The following PTPRU variants were observed in gnomAD, a reference collection of about 807,000 sequenced individuals.
PTPRU encodes the protein receptor-type tyrosine-protein phosphatase U.
PTPRU carries 69 observed loss-of-function variants against 166.3 expected under a neutral mutation model. The observed-to-expected ratio is 0.41, with a 90% CI of 0.34 to 0.51. PTPRU has a LOEUF of 0.51. PTPRU is among the 20% of genes least tolerant of loss of function. The pLI, the probability that PTPRU is intolerant of heterozygous loss-of-function variation, is 0.09. For missense variants in PTPRU, 1,657 were observed against 2,013.7 expected, an observed-to-expected ratio of 0.82 and a Z score of 3.39; for synonymous variants, 793 against 814.0, an observed-to-expected ratio of 0.97 and a Z score of 0.44.
intron 5 of PTPRU, 36 bp downstream of exon 5, chr1:29,259,600 T>TGTTGTGGGGGGGGGGGGGGGG: frequency 7.9e-6 from 2 of 253,682 alleles, no homozygotes; most frequent in East Asian, 8.6e-5. Flanking sequence ...GGGGGCGGGG[T>TGTTGTGGGGGGGGGGGGGGGG]GGGAGGGGGT....
In PTPRU at chr1:29,306,580, T is replaced by C. The variant is rs116784430; in HGVS notation, c.2820+1152T>C. 8.1e-3 allele frequency among the ~76,000 whole-genome samples: 1,232 copies of C among 152,280 alleles called. 18 individuals carry two copies. The highest frequency in any genetic ancestry group is 0.027 in the African/African-American group (1,141 of 41,546). On this transcript the variant is annotated intron_variant, in intron 18 of 29. Coordinates refer to ENST00000373779, the MANE Select transcript of PTPRU (RefSeq NM_133178.4). ...AGGCTAGTGGCAGAGCCAGGGCTGG[T>C]GTGGCGGGCTTTGTGGAGGAAGCAG...
At position 29,236,717 on chromosome 1, in the gene PTPRU, G is replaced by T; in HGVS notation, c.73G>T (p.Ala25Ser). 1 of 1,441,672 alleles carries T rather than the reference G, an allele frequency of 6.9e-7. No homozygotes were observed. Among genetic ancestry groups the T allele is most frequent in the Non-Finnish European group, 9.1e-7 (1 of 1,100,046 alleles). The allele number at this position is 1,441,672 out of a possible 1,614,324, so 89.3% of individuals were successfully genotyped here. A position where few individuals can be genotyped will look rare whatever the true frequency, so the allele number is the denominator to read the frequency against. The change falls in exon 1 of 30, where the codon GCT becomes TCT. Residue 25 changes from alanine to serine, a missense_variant and splice_region_variant. Physicochemically the swap from Ala to Ser is moderately conservative, Grantham distance 99. Transcript: ENST00000373779. This position sits in a 1 kb window ranked among gnomAD's most constrained non-coding sequence, Gnocchi z 4.6. The part of the protein sequence containing the change: ...LCAPETETPA[A>S]GCTFEEASDP... Reference sequence around the variant, plus strand: ...CGCGCCGGAGACCGAGACTCCGGCAGGTAAGCGCGCGGCGGCCGGACCGAG... The same window carrying T: ...CGCGCCGGAGACCGAGACTCCGGCATGTAAGCGCGCGGCGGCCGGACCGAG...
At chr1:29,263,585 G>C (rs1239425047) in intron 7 of PTPRU, among the ~76,000 whole-genome samples, 1 of 152,150 alleles carries the variant, frequency 6.6e-6, no homozygotes, top group Non-Finnish European at 1.5e-5. Context: ...TTCCAAAGCA[G>C]CTGTACCACT....
chr1:29,289,640 AC>A (rs1686528169), intron 14 of PTPRU: 1 of 1,613,180 alleles, frequency 6.2e-7, no homozygotes, highest in East Asian at 2.2e-5. Flanking sequence ...TGGTGGACGG[AC>A]CTCGGACACA....
chr1:29,240,304 C>T (rs1326392972), intron 1 of PTPRU, among the ~76,000 whole-genome samples: 1 of 152,148 alleles, frequency 6.6e-6, no homozygotes, highest in Non-Finnish European at 1.5e-5. Flanking sequence ...TGCTGTCTCC[C>T]TTACCAGACT....
At chr1:29,276,567 C>T (rs1685815386) in intron 8 of PTPRU, among the ~76,000 whole-genome samples, 1 of 152,192 alleles carries the variant, frequency 6.6e-6, no homozygotes, top group African/African-American at 2.4e-5. Flanking sequence ...ATCCACCCAC[C>T]TTGGCCTCCA....
intron 15 of PTPRU, among the ~76,000 whole-genome samples, chr1:29,303,133 G>A (rs1466174249): frequency 5.3e-5 from 8 of 152,230 alleles, no homozygotes; most frequent in East Asian, 1.9e-4. Flanking sequence ...GTGAGTGGGC[G>A]TGCGTGTCCC....
intron 7 of PTPRU, among the ~76,000 whole-genome samples, chr1:29,268,452 C>T (rs1685398095): frequency 6.6e-6 from 1 of 152,184 alleles, no homozygotes; most frequent in Non-Finnish European, 1.5e-5. Flanking sequence ...AGCTGCTAAA[C>T]ATCCTACAAT....
Position 29,312,709 on chromosome 1 carries a change from G to T in PTPRU, c.3227+3G>T. ...GGGCCCATTGTCATCCACTGCAGGT[G>T]GGGGCACCGGGAATCCCAAGGAGAA... On this transcript the variant is annotated splice_donor_region_variant and intron_variant, in intron 22 of 29. Transcript: ENST00000373779. 1 of 1,596,984 alleles carries T rather than the reference G, an allele frequency of 6.3e-7. No individual in the cohort carries two copies. Among genetic ancestry groups the T allele is most frequent in the Non-Finnish European group, 8.6e-7 (1 of 1,167,192 alleles).
At chr1:29,242,323 A>C (rs1684096004) in intron 1 of PTPRU, among the ~76,000 whole-genome samples, 1 of 152,072 alleles carries the variant, frequency 6.6e-6, no homozygotes, top group Admixed American at 6.6e-5. Context: ...TACCCAACTC[A>C]ACCTCTGGTA....
Position 29,326,175 on chromosome 1 carries a change from A to G in PTPRU, c.*514A>G. ...CTGGGGAAGCAGGTCTCAATTCTGA[A>G]TAGCCAGTGGGGCACACTGACTGTC... On this transcript the variant is annotated 3_prime_UTR_variant, in exon 30 of 30. Transcript: ENST00000373779. The G allele has an allele frequency of 3.3e-6, 1 of 306,526 alleles. No individual in the cohort carries two copies. Among genetic ancestry groups the G allele is most frequent in the Non-Finnish European group, 6.0e-6 (1 of 167,384 alleles). The allele number at this position is 306,526 out of a possible 1,614,324, so 19.0% of individuals were successfully genotyped here.
At position 29,311,684 on chromosome 1, in the gene PTPRU, C is replaced by T. The variant is rs142752020; in HGVS notation, c.2997C>T (p.Tyr999=). The T allele has an allele frequency of 2.1e-4, 335 of 1,614,228 alleles. No homozygotes were observed. In the African/African-American group the frequency reaches 3.8e-3, roughly 18 times the overall value. Residue 999 remains tyrosine (Y), a synonymous_variant, in exon 21 of 30, where the codon TAC becomes TAT. Transcript: ENST00000373779. The surrounding 1 kb of genome is among the most constrained non-coding windows in gnomAD (Gnocchi z 4.1). ...SRYWPEDSDT[Y]GDIKIMLVKT... ...ACTGGCCGGAGGACTCAGACACCTACGGGGACATCAAGATTATGCTGGTGA... is the reference window on the plus strand; with the variant it reads ...ACTGGCCGGAGGACTCAGACACCTATGGGGACATCAAGATTATGCTGGTGA...
Position 29,279,492 on chromosome 1 carries a change from G to A in PTPRU, c.1600G>A (p.Val534Met), listed in dbSNP as rs1470441876. 20 of 1,614,206 alleles carry A rather than the reference G, an allele frequency of 1.2e-5. No homozygotes were observed. Among genetic ancestry groups the A allele is most frequent in the Non-Finnish European group, 1.7e-5 (20 of 1,180,034 alleles). ...GAGCATCGAGTCATCAGACCCGGCAGTGAACGTGCCAGGCCCACGACGTAC... is the reference window on the plus strand; with the variant it reads ...GAGCATCGAGTCATCAGACCCGGCAATGAACGTGCCAGGCCCACGACGTAC... ...YQSIESSDPA[V>M]NVPGPRRTIS... Residue 534 changes from valine to methionine, a missense_variant, in exon 10 of 30, where the codon GTG becomes ATG. This residue lies in a region of PTPRU where 1,190 missense variants were observed against 1,477.4 expected (regional missense o/e 0.81). Transcript: ENST00000373779. The surrounding 1 kb of genome is among the most constrained non-coding windows in gnomAD (Gnocchi z 5.2).
At chr1:29,308,685 A>T (rs1687515048) in intron 18 of PTPRU, among the ~76,000 whole-genome samples, 1 of 150,828 alleles carries the variant, frequency 6.6e-6, no homozygotes, top group Admixed American at 6.6e-5. Context: ...ATTATTTGCT[A>T]TTTTGTGGGT....
chr1:29,305,232 A>G, intron 17 of PTPRU, 120 bp from the exon 18 acceptor site: 1 of 912,326 alleles, frequency 1.1e-6, no homozygotes, highest in South Asian at 1.5e-5. Context: ...AAGCCCTGAG[A>G]CTCTAGGTTC....
rs1262595815 is a variant in PTPRU, at chr1:29,305,331, C to T, written c.2744-21C>T. 8 of 1,613,146 alleles carry T rather than the reference C, an allele frequency of 5.0e-6. No homozygotes were observed. In the South Asian group the frequency reaches 5.5e-5, roughly 11 times the overall value. ...CTGGGCTCCCCAGTTCAGCCCCTGC[C>T]CACCTGCTCTGTGTTTACAGATGAT... On this transcript the variant is annotated intron_variant, in intron 17 of 29. Transcript: ENST00000373779.
At chr1:29,246,177 T>G (rs1190130518) in intron 1 of PTPRU, among the ~76,000 whole-genome samples, 3 of 152,270 alleles carry the variant, frequency 2.0e-5, no homozygotes, top group Admixed American at 1.3e-4. Context: ...TGCACTGCTT[T>G]GCTGCACTGG....
chr1:29,259,688 C>T, intron 5 of PTPRU, 124 bp downstream of exon 5: 2 of 1,239,268 alleles, frequency 1.6e-6, no homozygotes, highest in African/African-American at 1.5e-5. Flanking sequence ...CACAGCGTCC[C>T]GGCCCTCCCC....
Position 29,323,800 on chromosome 1 carries a change from C to T in PTPRU, c.4112+12C>T. ...ATCGTGCACTGCCTGTGAGTACCTGCCCTGTGGGAGGGCGGGTGGAGGGGT... is the reference window on the plus strand; with the variant it reads ...ATCGTGCACTGCCTGTGAGTACCTGTCCTGTGGGAGGGCGGGTGGAGGGGT... On this transcript the variant is annotated intron_variant, in intron 28 of 29. Transcript: ENST00000373779. The T allele has an allele frequency of 6.2e-7, 1 of 1,613,416 alleles. No individual in the cohort carries two copies. The highest frequency in any genetic ancestry group is 1.1e-5 in the South Asian group (1 of 91,016).
Sources: gnomAD v4.1 joint callset for allele counts (sites outside exome capture counted in the v4.1 genomes callset) on GRCh38, gnomAD v4.1.1 for gene constraint, gnomAD v4.1.1 regional missense constraint, Gnocchi (gnomAD v3.1) non-coding constraint, MANE v1.5 for transcripts, NCBI Gene and HGNC (gene_info 2026-07-23, HGNC 2026-07-21) for gene names.